TMEM25: variants seen among roughly 807,000 people sequenced by gnomAD.
TMEM25 encodes the protein 0610039J01Rik.
TMEM25 carries 36 observed loss-of-function variants against 37.0 expected under a neutral mutation model. The observed-to-expected ratio is 0.97, with a 90% CI of 0.75 to 1.28. TMEM25 has a LOEUF of 1.28. Among genes scored for constraint, TMEM25 ranks in the 50% most tolerant of loss-of-function variants. The pLI, the probability that TMEM25 is intolerant of heterozygous loss-of-function variation, is 0.00. For missense variants in TMEM25, 444 were observed against 477.9 expected (o/e 0.93, Z 0.66); for synonymous variants, 197 against 203.7 (o/e 0.97, Z 0.28).
chr11:118,543,496 A>G (rs1321665275), intron 8 of TMEM25, among the ~76,000 whole-genome samples: 2 of 151,920 alleles, frequency 1.3e-5, no homozygotes, highest in Non-Finnish European at 2.9e-5. Context: ...ATATTATTAT[A>G]TATTTTTTTG....
At chr11:118,545,748 G>T (rs1951666740) in intron 8 of TMEM25, 7 of 1,573,150 alleles carry the variant, frequency 4.4e-6, no homozygotes, top group African/African-American at 1.3e-5. Flanking sequence ...AGCCTAGAGT[G>T]TCTCTATCCA....
At chr11:118,532,544 A>G in intron 3 of TMEM25, 83 bp downstream of exon 3, 3 of 1,468,620 alleles carry the variant, frequency 2.0e-6, no homozygotes, top group African/African-American at 1.4e-5. Context: ...TCCGCAGGAC[A>G]TTTAGCAGAC....
At chr11:118,532,053 C>T in intron 2 of TMEM25, 97 bp from the exon 3 acceptor site, 1 of 1,418,356 alleles carries the variant, frequency 7.1e-7, no homozygotes, top group Non-Finnish European at 9.4e-7. Flanking sequence ...GTGCCCTTTC[C>T]TTTGGCCTGC....
In TMEM25 at chr11:118,534,435, A is replaced by G; in HGVS notation, c.1028-72A>G. 1.9e-6 allele frequency: 3 copies of G among 1,610,458 alleles called. No homozygotes were observed. The highest frequency in any genetic ancestry group is 2.5e-6 in the Non-Finnish European group (3 of 1,178,010). On this transcript the variant is annotated intron_variant, in intron 8 of 8. Transcript: ENST00000313236. This position sits in a 1 kb window ranked among gnomAD's most constrained non-coding sequence, Gnocchi z 4.6. ...TGCCAGAGGCCTCCAAGTGCCCAGGAGGCAGAGAGAGCTCTCCAAATTCCA... is the reference window on the plus strand; with the variant it reads ...TGCCAGAGGCCTCCAAGTGCCCAGGGGGCAGAGAGAGCTCTCCAAATTCCA...
chr11:118,545,596 T>C, intron 8 of TMEM25: 1 of 1,149,576 alleles, frequency 8.7e-7, no homozygotes, highest in African/African-American at 1.5e-5. Context: ...GGGGTGTCGC[T>C]ATGACTTTGG....
At chr11:118,540,842 G>A (rs1312882833) in intron 8 of TMEM25, among the ~76,000 whole-genome samples, 2 of 152,142 alleles carry the variant, frequency 1.3e-5, no homozygotes, top group Non-Finnish European at 2.9e-5. Context: ...CCAAGTGAAA[G>A]GCCAAACCCA....
downstream of TMEM25, among the ~76,000 whole-genome samples, chr11:118,539,985 C>T (rs781814573): frequency 2.0e-4 from 28 of 142,706 alleles, no homozygotes; most frequent in African/African-American, 7.4e-4. Context: ...CATGCCACTG[C>T]ACTCCGGCCT....
At chr11:118,543,343 TG>T (rs1420441258) in intron 8 of TMEM25, among the ~76,000 whole-genome samples, 2 of 151,166 alleles carry the variant, frequency 1.3e-5, no homozygotes, top group Non-Finnish European at 3.0e-5. Flanking sequence ...GTATCGATTT[TG>T]TTTTGTTTTG....
intron 8 of TMEM25, among the ~76,000 whole-genome samples, chr11:118,541,088 A>G (rs1951572485): frequency 6.6e-6 from 1 of 152,214 alleles, no homozygotes; most frequent in Non-Finnish European, 1.5e-5. Flanking sequence ...AACTTATGGT[A>G]TGTGAGTTAG....
At position 118,532,274 on chromosome 11, in the gene TMEM25, G is replaced by A. The variant is rs782689375; in HGVS notation, c.195G>A (p.Trp65Ter). Residue 65 changes from tryptophan to a stop codon, truncating the protein, a stop_gained, in exon 3 of 9, where the codon TGG becomes TGA. Coordinates refer to ENST00000313236, the MANE Select transcript of TMEM25 (RefSeq NM_032780.4). LOFTEE classifies it high-confidence loss of function. ...GGCCTGGCACCCCCAGATTGGCCTGGTATCTGGATGGACAGCTGCAGGAGG... is the reference window on the plus strand; with the variant it reads ...GGCCTGGCACCCCCAGATTGGCCTGATATCTGGATGGACAGCTGCAGGAGG... Reference protein sequence around the residue: ...AGGPGTPRLAWYLDGQLQEAS... With the variant: ...AGGPGTPRLA The A allele has an allele frequency of 7.4e-6, 12 of 1,614,036 alleles. No homozygotes were observed. The highest frequency in any genetic ancestry group is 1.3e-5 in the African/African-American group (1 of 74,944).
rs1204110077 is a variant in TMEM25 at position 118,535,558 on chromosome 11, C to G, written c.*978C>G. 1.1e-5 allele frequency: 17 copies of G among 1,535,800 alleles called. No homozygotes were observed. Among genetic ancestry groups the G allele is most frequent in the Admixed American group, 2.0e-5 (1 of 50,960 alleles). On this transcript the variant is annotated 3_prime_UTR_variant, in exon 9 of 9. Transcript: ENST00000313236. ...AGCCCTGACCAACCCATGGTTGCCTCATCAGCAGGAAGGTGCCCTTCCTGG... is the reference window on the plus strand; with the variant it reads ...AGCCCTGACCAACCCATGGTTGCCTGATCAGCAGGAAGGTGCCCTTCCTGG...
At chr11:118,540,772 C>T (rs1258275949), downstream of TMEM25, among the ~76,000 whole-genome samples, 1 of 152,206 alleles carries the variant, frequency 6.6e-6, no homozygotes, top group Non-Finnish European at 1.5e-5. Flanking sequence ...GAGACTCCTG[C>T]TTGTTATGCA....
At position 118,535,125 on chromosome 11, in the gene TMEM25, C is replaced by T. The variant is rs1381287970; in HGVS notation, c.*545C>T. On this transcript the variant is annotated 3_prime_UTR_variant, in exon 9 of 9. Transcript: ENST00000313236. The stretch of plus-strand genomic sequence containing the variant: ...AAACCAACCCCTGACCCAGCGGTAC[C>T]GGCCAAGCACAAACGTCCTTTTTGC... The T allele has an allele frequency of 1.2e-5, 12 of 1,019,982 alleles. No individual in the cohort carries two copies. The highest frequency in any genetic ancestry group is 4.9e-4 in the Middle Eastern group (1 of 2,056). The allele number at this position is 1,019,982 out of a possible 1,614,324, so 63.2% of individuals were successfully genotyped here. A position where few individuals can be genotyped will look rare whatever the true frequency, so the allele number is the denominator to read the frequency against.
chr11:118,539,946 G>A (rs1462123122), downstream of TMEM25, among the ~76,000 whole-genome samples: 6 of 149,484 alleles, frequency 4.0e-5, no homozygotes, highest in Admixed American at 6.6e-5. Flanking sequence ...GCTTGAACCC[G>A]GGAGGCGGAG....
At chr11:118,537,445 C>T (rs2135425514), downstream of TMEM25, among the ~76,000 whole-genome samples, 2 of 152,302 alleles carry the variant, frequency 1.3e-5, no homozygotes, top group Admixed American at 1.3e-4. Context: ...GTGTCCATTA[C>T]CCAAGTACAA....
intron 8 of TMEM25, chr11:118,546,027 T>C: frequency 1.4e-6 from 1 of 711,818 alleles, no homozygotes. Context: ...AGAATGTGAC[T>C]ATATTTGGAG....
At chr11:118,532,827 A>T (rs1232382138) in intron 3 of TMEM25, 90 bp from the exon 4 acceptor site, 5 of 1,521,620 alleles carry the variant, frequency 3.3e-6, no homozygotes, top group Non-Finnish European at 3.5e-6. Context: ...GGAGAGGCCC[A>T]GGCCCCTGGC....
Position 118,535,476 on chromosome 11 carries a change from T to C in TMEM25, c.*896T>C, listed in dbSNP as rs987174621. 36 of 1,520,976 alleles carry C rather than the reference T, an allele frequency of 2.4e-5. No individual in the cohort carries two copies. Among genetic ancestry groups the C allele is most frequent in the Non-Finnish European group, 3.2e-5 (36 of 1,136,404 alleles). 94.2% of individuals were successfully genotyped at this position (1,520,976 alleles called of 1,614,324 possible). On this transcript the variant is annotated 3_prime_UTR_variant, in exon 9 of 9. Transcript: ENST00000313236. ...CTTCTGGGATTCACTGTGAGTGTCC[T>C]GAGCTCTCGGGGTTGATGGTTTTTC...
At chr11:118,542,040 C>T (rs748916021) in intron 8 of TMEM25, among the ~76,000 whole-genome samples, 8 of 152,182 alleles carry the variant, frequency 5.3e-5, no homozygotes, top group Admixed American at 3.3e-4. Flanking sequence ...ACAGGTGTGA[C>T]TCACTGTGCC....
Sources: allele counts gnomAD v4.1 joint callset (sites outside exome capture counted in the v4.1 genomes callset), GRCh38; gene constraint gnomAD v4.1.1; non-coding constraint Gnocchi (gnomAD v3.1); transcripts MANE v1.5; gene names NCBI Gene and HGNC (gene_info 2026-07-23, HGNC 2026-07-21).